Variants in CAMKK2 observed in about 807,000 individuals in gnomAD.
CAMKK2 encodes calcium/calmodulin dependent protein kinase kinase 2, also known as calcium/calmodulin-dependent protein kinase kinase 2.
In CAMKK2, 30 loss-of-function variants were observed where a neutral mutation model predicts 67.2. The ratio of observed to expected loss-of-function variants is 0.45; its 90% CI spans 0.33 to 0.61. CAMKK2 has a LOEUF of 0.61. CAMKK2 is among the 20% of genes least tolerant of loss of function. The pLI, the probability that CAMKK2 is intolerant of heterozygous loss-of-function variation, is 0.02. For synonymous variants in CAMKK2, 322 were observed against 326.2 expected, an observed-to-expected ratio of 0.99 and a Z score of 0.14; for missense variants, 643 against 802.0, an observed-to-expected ratio of 0.80 and a Z score of 2.39.
intron 1 of CAMKK2, among the ~76,000 whole-genome samples, chr12:121,292,986 A>T (rs1900371532): frequency 1.3e-5 from 2 of 150,144 alleles, no homozygotes; most frequent in Non-Finnish European, 3.0e-5. Flanking sequence ...AAAAAAAAAG[A>T]AAAAAAAAGC....
chr12:121,255,766 G>A lies in CAMKK2; in HGVS notation c.818+17C>T. 6.2e-7 allele frequency: 1 copy of A among 1,613,298 alleles called. No homozygotes were observed. The highest frequency in any genetic ancestry group is 8.5e-7 in the Non-Finnish European group (1 of 1,179,360). ...GAAGCTTCTTGCATCACCCCTGCTGGGAGCTGGGACACTCACCCTTGGTTG... is the reference window on the plus strand; with the variant it reads ...GAAGCTTCTTGCATCACCCCTGCTGAGAGCTGGGACACTCACCCTTGGTTG... On this transcript the variant is annotated intron_variant, in intron 8 of 16. Coordinates refer to ENST00000404169, the MANE Select transcript of CAMKK2 (RefSeq NM_001270485.2).
rs199615566 is a variant in CAMKK2, at chr12:121,249,944, C to T, written c.1235+17G>A. ...GAACTCGGACAGGAGAGATGCGGGA[C>T]GGCGGGAGATACTCACTGGTCTGGA... On this transcript the variant is annotated intron_variant, in intron 12 of 16. Coordinates refer to ENST00000404169, the MANE Select transcript of CAMKK2 (RefSeq NM_001270485.2). 3.0e-4 allele frequency: 491 copies of T among 1,613,610 alleles called. No homozygotes were observed. Among genetic ancestry groups the T allele is most frequent in the African/African-American group, 1.1e-3 (81 of 74,988 alleles).
Position 121,253,697 on chromosome 12 carries a change from C to A in CAMKK2, c.908-225G>T, listed in dbSNP as rs1891267017. Among the ~76,000 whole-genome samples the A allele has an allele frequency of 6.6e-6, 1 of 152,180 alleles. No homozygotes were observed. Among genetic ancestry groups the A allele is most frequent in the Non-Finnish European group, 1.5e-5 (1 of 68,040 alleles). ...TCAAGGAAGTCCCAGCCCACCATCA[C>A]CCCACCCCTTCTCAACAATGACACA... On this transcript the variant is annotated intron_variant, in intron 9 of 16. Coordinates refer to ENST00000404169, the MANE Select transcript of CAMKK2 (RefSeq NM_001270485.2). The surrounding 1 kb of genome is among the most constrained non-coding windows in gnomAD (Gnocchi z 5.0).
chr12:121,287,705 C>T (rs1185875426), intron 1 of CAMKK2, among the ~76,000 whole-genome samples: 1 of 152,230 alleles, frequency 6.6e-6, no homozygotes, highest in Non-Finnish European at 1.5e-5. Context: ...AGTGGTGGCT[C>T]ACGCCTATAA....
intron 1 of CAMKK2, among the ~76,000 whole-genome samples, chr12:121,276,615 C>T (rs1380247837): frequency 6.6e-6 from 1 of 152,156 alleles, no homozygotes; most frequent in African/African-American, 2.4e-5. Flanking sequence ...TCAGGGAGTA[C>T]ATTTGTGGAC....
chr12:121,243,719 T>G, intron 16 of CAMKK2: 1 of 342,442 alleles, frequency 2.9e-6, no homozygotes, highest in South Asian at 6.1e-5. Context: ...CTGATGAAAA[T>G]GTCGTAAAGT....
In CAMKK2 at chr12:121,292,174, G is replaced by A. The variant is rs143795048; in HGVS notation, c.-60+4464C>T. Reference sequence around the variant, plus strand: ...GGAGTCTTGCTTTGTCGCCCAGGCAGGAGTGCAGTGGCACGATCTTGGCTC... The same window carrying A: ...GGAGTCTTGCTTTGTCGCCCAGGCAAGAGTGCAGTGGCACGATCTTGGCTC... On this transcript the variant is annotated intron_variant, in intron 1 of 16. Transcript: ENST00000404169. 4.0e-3 allele frequency among the ~76,000 whole-genome samples: 605 copies of A among 151,660 alleles called. 2 individuals are homozygous for A. The highest frequency in any genetic ancestry group is 0.014 in the African/African-American group (564 of 41,338).
chr12:121,240,826 G>A lies in CAMKK2; in HGVS notation c.1640C>T (p.Pro547Leu). ...AAGAGCACTTCCTCCTCCCCCACGG[G>A]GGGCGGGTCGGTGCCCTGGAGGTTG... is the stretch of plus-strand genomic sequence containing the variant. The part of the protein sequence containing the change: ...RRQPPGHRPA[P>L]RGGGGSALVR... Residue 547 changes from proline to leucine, a missense_variant, in exon 17 of 17, where the codon CCC becomes CTC. Transcript: ENST00000404169. The surrounding 1 kb of genome is among the most constrained non-coding windows in gnomAD (Gnocchi z 4.4). The A allele has an allele frequency of 1.2e-6, 2 of 1,612,352 alleles. No individual in the cohort carries two copies. The highest frequency in any genetic ancestry group is 1.1e-5 in the South Asian group (1 of 91,056).
intron 5 of CAMKK2, among the ~76,000 whole-genome samples, chr12:121,267,467 G>A (rs1300953881): frequency 6.7e-6 from 1 of 150,282 alleles, no homozygotes; most frequent in Non-Finnish European, 1.5e-5. Flanking sequence ...ACAAGGTTGT[G>A]CAACCATCAC....
intron 6 of CAMKK2, 104 bp from the exon 7 acceptor site, chr12:121,260,459 C>A: frequency 1.0e-6 from 1 of 1,002,718 alleles, no homozygotes; most frequent in Non-Finnish European, 1.5e-6. Context: ...CTGCGTTTGC[C>A]AACAGGAGGG....
intron 1 of CAMKK2, among the ~76,000 whole-genome samples, chr12:121,283,888 A>G (rs1898235394): frequency 6.6e-6 from 1 of 152,226 alleles, no homozygotes; most frequent in Admixed American, 6.5e-5. Context: ...GATTTCAGAT[A>G]AAAGTGCAAA....
At chr12:121,251,403 C>T (rs150474584) in intron 11 of CAMKK2, among the ~76,000 whole-genome samples, 4 of 152,270 alleles carry the variant, frequency 2.6e-5, no homozygotes, top group South Asian at 2.1e-4. Context: ...GAGAGGCAAT[C>T]GGTATAAACT....
rs898246092 is a variant in CAMKK2 at position 121,249,641 on chromosome 12, C to A, written c.1323+146G>T. On this transcript the variant is annotated intron_variant, in intron 13 of 16. Transcript: ENST00000404169. Reference sequence around the variant, plus strand: ...ATCTTCCTACCCAGCCCTCAACAGCCCCCAGCAGCTCAGAGGCCCTGGGGC... The same window carrying A: ...ATCTTCCTACCCAGCCCTCAACAGCACCCAGCAGCTCAGAGGCCCTGGGGC... 96 of 742,754 alleles carry A rather than the reference C, an allele frequency of 1.3e-4. 1 individual carries two copies. The highest frequency in any genetic ancestry group is 1.5e-4 in the Non-Finnish European group (63 of 417,070). The allele number at this position is 742,754 out of a possible 1,614,324, so 46.0% of individuals were successfully genotyped here. A position where few individuals can be genotyped will look rare whatever the true frequency, so the allele number is the denominator to read the frequency against.
At chr12:121,289,603 G>A (rs1445218071) in intron 1 of CAMKK2, among the ~76,000 whole-genome samples, 1 of 152,134 alleles carries the variant, frequency 6.6e-6, no homozygotes, top group East Asian at 1.9e-4. Context: ...GCCAGTACAA[G>A]GAGCCAAAGT....
At chr12:121,243,887 T>C (rs1888869962) in intron 16 of CAMKK2, 7 of 1,382,566 alleles carry the variant, frequency 5.1e-6, no homozygotes, top group East Asian at 2.7e-5. Context: ...GTAGCCATGA[T>C]GTGCTCAGTG....
At chr12:121,255,313 ATT>A (rs370155598) in intron 9 of CAMKK2, among the ~76,000 whole-genome samples, 771 of 11,844 alleles carry the variant, frequency 0.065, 106 homozygotes, top group Non-Finnish European at 0.13. Context: ...TTTATATATA[ATT>A]TTATATATAT....
intron 1 of CAMKK2, among the ~76,000 whole-genome samples, chr12:121,281,843 G>A (rs1897860326): frequency 6.6e-6 from 1 of 152,226 alleles, no homozygotes; most frequent in Non-Finnish European, 1.5e-5. Flanking sequence ...CTACTTGGGA[G>A]GCTGAGGCAG....
At chr12:121,246,652 C>G (rs1889533580) in intron 14 of CAMKK2, among the ~76,000 whole-genome samples, 2 of 152,116 alleles carry the variant, frequency 1.3e-5, no homozygotes, top group South Asian at 4.1e-4. Flanking sequence ...AGATGTCACT[C>G]CCCAGGTGAG....
At chr12:121,248,181 G>A (rs1002782944) in intron 14 of CAMKK2, among the ~76,000 whole-genome samples, 4 of 152,172 alleles carry the variant, frequency 2.6e-5, no homozygotes, top group Non-Finnish European at 5.9e-5. Flanking sequence ...GAGTGTGTGC[G>A]TGGAAGTCCC....
Sources: allele counts gnomAD v4.1 joint callset (sites outside exome capture counted in the v4.1 genomes callset), GRCh38; gene constraint gnomAD v4.1.1; non-coding constraint Gnocchi (gnomAD v3.1); transcripts MANE v1.5; gene names NCBI Gene and HGNC (gene_info 2026-07-23, HGNC 2026-07-21).